Variants in CHIC1 observed in about 807,000 individuals in gnomAD.
CHIC1 encodes cysteine-rich hydrophobic domain-containing protein 1.
A neutral mutation model predicts 18.5 loss-of-function variants in CHIC1; 7 were observed. The observed-to-expected ratio is 0.38, with a 90% CI of 0.22 to 0.71. The LOEUF (loss-of-function observed/expected upper bound fraction) is 0.71. Among genes scored for constraint, CHIC1 ranks in the 30% least tolerant of loss-of-function variants. The pLI is 0.49. For synonymous variants in CHIC1, 77 were observed against 73.5 expected, an observed-to-expected ratio of 1.05 and a Z score of -0.25; for missense variants, 159 against 176.9, an observed-to-expected ratio of 0.90 and a Z score of 0.57.
At chrX:73,607,366 C>T (rs1485138026) in intron 3 of CHIC1, among the ~76,000 whole-genome samples, 3 of 108,320 alleles carry the variant, frequency 2.8e-5, no homozygotes, top group Non-Finnish European at 3.8e-5. Flanking sequence ...TGACTTCAGA[C>T]TGCTGTGCTG....
In CHIC1 at chrX:73,568,433, T is replaced by C. The variant is rs2057455206; in HGVS notation, c.296+4853T>C. 2.7e-5 allele frequency among the ~76,000 whole-genome samples: 3 copies of C among 111,621 alleles called. No individual in the cohort carries two copies. In the South Asian group the frequency reaches 1.1e-3, roughly 42 times the overall value. On this transcript the variant is annotated intron_variant, in intron 1 of 5. Transcript: ENST00000373502. ...ATCTTTTTCCAAATTTTAAAAAATA[T>C]GATTATATTAACTCTTACAGATTTG... is the stretch of plus-strand genomic sequence containing the variant.
intron 3 of CHIC1, among the ~76,000 whole-genome samples, chrX:73,643,487 C>T (rs185429744): frequency 6.3e-5 from 7 of 111,699 alleles, no homozygotes; most frequent in East Asian, 2.8e-4. Flanking sequence ...CCATTCTCCC[C>T]GTCACTTTCA....
At chrX:73,563,175 T>C, upstream of CHIC1, 1 of 663,003 alleles carries the variant, frequency 1.5e-6, no homozygotes, top group Non-Finnish European at 1.8e-6. Flanking sequence ...CCTCAAATCC[T>C]GTCCCTACAC....
At chrX:73,613,118 G>A (rs1342314988) in intron 3 of CHIC1, among the ~76,000 whole-genome samples, 9 of 111,824 alleles carry the variant, frequency 8.0e-5, no homozygotes, top group African/African-American at 2.9e-4. Context: ...TTTATCTGAT[G>A]TATGTATGTA....
intron 5 of CHIC1, among the ~76,000 whole-genome samples, chrX:73,680,405 A>G (rs1443053338): frequency 1.8e-5 from 2 of 111,503 alleles, no homozygotes; most frequent in African/African-American, 3.2e-5. Flanking sequence ...TTCATTATAG[A>G]TAAAACATTC....
chrX:73,680,916 A>G, intron 5 of CHIC1, 39 bp from the exon 6 acceptor site: 1 of 761,176 alleles, frequency 1.3e-6, no homozygotes, highest in Non-Finnish European at 1.9e-6. Flanking sequence ...TATTAAATGA[A>G]AAATATTTTG....
chrX:73,637,295 G>GT (rs371158471), intron 3 of CHIC1, among the ~76,000 whole-genome samples: 2,802 of 93,861 alleles, frequency 0.03, 35 homozygotes, highest in African/African-American at 0.058. Context: ...CTGATTTTAA[G>GT]TTTTTTTTTT....
intron 3 of CHIC1, among the ~76,000 whole-genome samples, chrX:73,602,671 C>T (rs1453262998): frequency 9.2e-6 from 1 of 108,498 alleles, no homozygotes; most frequent in Non-Finnish European, 1.9e-5. Context: ...AGTCTTTAAT[C>T]CATCTTGAGT....
intron 3 of CHIC1, among the ~76,000 whole-genome samples, chrX:73,612,877 G>T (rs2057715382): frequency 9.0e-6 from 1 of 111,724 alleles, no homozygotes; most frequent in Non-Finnish European, 1.9e-5. Context: ...TTTCTGTGTG[G>T]ATAGATGATC....
At chrX:73,645,600 A>G (rs2147604488) in intron 3 of CHIC1, among the ~76,000 whole-genome samples, 1 of 111,996 alleles carries the variant, frequency 8.9e-6, no homozygotes, top group East Asian at 2.8e-4. Flanking sequence ...CATAGTAGCC[A>G]TTCTAATAGG....
chrX:73,605,914 C>A (rs972039232), intron 3 of CHIC1, among the ~76,000 whole-genome samples: 2 of 108,322 alleles, frequency 1.8e-5, no homozygotes, highest in Admixed American at 9.7e-5. Flanking sequence ...TTCTCTCTGG[C>A]TGCCCTTAAC....
chrX:73,587,147 T>A (rs1413700512), intron 3 of CHIC1, among the ~76,000 whole-genome samples: 1 of 112,252 alleles, frequency 8.9e-6, no homozygotes, highest in East Asian at 2.8e-4. Flanking sequence ...AAAATGGAAA[T>A]AATAATGAAG....
intron 3 of CHIC1, among the ~76,000 whole-genome samples, chrX:73,620,026 A>C (rs1425906864): frequency 8.9e-6 from 1 of 111,768 alleles, no homozygotes; most frequent in Admixed American, 9.5e-5. Context: ...GTCCCTACAA[A>C]GGATGAGCTC....
rs1028772653 is a variant in CHIC1 at position 73,686,663 on chromosome X, A to G, written c.*5658A>G. The G allele has an allele frequency of 4.5e-5, 5 of 111,635 alleles. No homozygotes were observed. The highest frequency in any genetic ancestry group is 9.4e-5 in the Non-Finnish European group (5 of 53,007). The allele number at this position is 111,635 out of a possible 1,213,427, so 9.2% of individuals were successfully genotyped here. A position where few individuals can be genotyped will look rare whatever the true frequency, so the allele number is the denominator to read the frequency against. The stretch of plus-strand genomic sequence containing the variant: ...ACAAGTAACAAGTGTTTGAAAGTAT[A>G]TAATCTACGAGCGAATTTGCCCTCC... On this transcript the variant is annotated 3_prime_UTR_variant, in exon 6 of 6. Transcript: ENST00000373502.
intron 3 of CHIC1, among the ~76,000 whole-genome samples, chrX:73,671,018 G>A (rs1366768244): frequency 8.9e-6 from 1 of 111,739 alleles, no homozygotes; most frequent in African/African-American, 3.3e-5. Flanking sequence ...ATGTCTATTA[G>A]GTCTATTTGG....
At chrX:73,656,415 A>AG (rs1340946331) in intron 3 of CHIC1, among the ~76,000 whole-genome samples, 1 of 111,713 alleles carries the variant, frequency 9.0e-6, no homozygotes. Context: ...ATTTTCTTTT[A>AG]GGGATTTTAT....
chrX:73,664,952 A>G (rs1358480239), intron 3 of CHIC1, among the ~76,000 whole-genome samples: 2 of 112,122 alleles, frequency 1.8e-5, no homozygotes, highest in African/African-American at 6.5e-5. Context: ...CATGGCTTCA[A>G]TTATTCCTTT....
intron 3 of CHIC1, among the ~76,000 whole-genome samples, chrX:73,644,127 T>G (rs1454241696): frequency 8.9e-6 from 1 of 112,230 alleles, no homozygotes; most frequent in South Asian, 3.7e-4. Context: ...TTTGCTAGAG[T>G]TCCACTCCAG....
intron 3 of CHIC1, among the ~76,000 whole-genome samples, chrX:73,659,370 C>CTTTTTTTT (rs149705423): frequency 2.3e-3 from 81 of 35,163 alleles, no homozygotes; most frequent in African/African-American, 8.5e-3. Flanking sequence ...TTCCCCTTTT[C>CTTTTTTTT]TTTTTTTTTT....
Sources: allele counts gnomAD v4.1 joint callset (sites outside exome capture counted in the v4.1 genomes callset), GRCh38; gene constraint gnomAD v4.1.1; transcripts MANE v1.5; gene names NCBI Gene and HGNC (gene_info 2026-07-23, HGNC 2026-07-21).